The following MN1 variants were observed in gnomAD, a reference collection of about 807,000 sequenced individuals.
The protein encoded by MN1 is MN1 proto-oncogene, transcriptional regulator, also known as transcriptional activator MN1.
Under a neutral mutation model 86.9 loss-of-function variants are expected in MN1, and 19 were observed. The observed-to-expected ratio is 0.22, with a 90% CI of 0.15 to 0.32. The LOEUF (loss-of-function observed/expected upper bound fraction) is 0.32, where lower values mean the gene tolerates loss of function less well. MN1 is among the 10% of genes least tolerant of loss of function. The pLI is 1.00. For missense variants in MN1, 1,841 were observed against 1,862.0 expected, an observed-to-expected ratio of 0.99 and a Z score of 0.21; for synonymous variants, 928 against 849.6, an observed-to-expected ratio of 1.09 and a Z score of -1.60.
rs904390566 is a variant in MN1, at chr22:27,749,098, T to G, written c.*1817A>C. ...CTTTGTCTGCCCTCTGAAGGCGGGG[T>G]TTGCTCCTCGTCAAGACTGCCCAGG... On this transcript the variant is annotated 3_prime_UTR_variant, in exon 2 of 2. Transcript: ENST00000302326. 4.3e-6 allele frequency: 1 copy of G among 231,934 alleles called. No homozygotes were observed. Among genetic ancestry groups the G allele is most frequent in the Non-Finnish European group, 8.5e-6 (1 of 117,332 alleles). 14.4% of individuals were successfully genotyped at this position (231,934 alleles called of 1,614,324 possible).
At position 27,798,258 on chromosome 22, in the gene MN1, G is replaced by C; in HGVS notation, c.2286C>G (p.Gly762=). Residue 762 remains glycine, a synonymous_variant, in exon 1 of 2, where the codon GGC becomes GGG. Transcript: ENST00000302326. ...GRQSTPHSGP[G]VNSPPSAGGG... is the part of the protein sequence containing the mutation. ...CTCCCGCGCTGGGGGGCGAGTTCAC[G>C]CCTGGACCGCTGTGCGGCGTGGACT... 1.3e-6 allele frequency: 2 copies of C among 1,527,316 alleles called. No individual in the cohort carries two copies. Among genetic ancestry groups the C allele is most frequent in the Non-Finnish European group, 1.7e-6 (2 of 1,148,090 alleles). The allele number at this position is 1,527,316 out of a possible 1,614,324, so 94.6% of individuals were successfully genotyped here.
At chr22:27,788,619 C>A (rs970263218) in intron 1 of MN1, among the ~76,000 whole-genome samples, 1 of 143,022 alleles carries the variant, frequency 7.0e-6, no homozygotes, top group African/African-American at 2.6e-5. Flanking sequence ...AGGGTCATAT[C>A]TTTTTTTTTT....
At chr22:27,763,340 C>T (rs1034798071) in intron 1 of MN1, among the ~76,000 whole-genome samples, 2 of 152,172 alleles carry the variant, frequency 1.3e-5, no homozygotes, top group East Asian at 3.9e-4. Context: ...GCACAGCTGG[C>T]AAGGGGCCGG....
At chr22:27,785,610 G>GGCTCTCAC (rs1933120524) in intron 1 of MN1, among the ~76,000 whole-genome samples, 1 of 152,188 alleles carries the variant, frequency 6.6e-6, no homozygotes, top group Non-Finnish European at 1.5e-5. Flanking sequence ...CGAGCGTGGG[G>GGCTCTCAC]GCTCTTGCAA....
intron 1 of MN1, among the ~76,000 whole-genome samples, chr22:27,779,445 C>T (rs1933022687): frequency 6.6e-6 from 1 of 152,216 alleles, no homozygotes. Flanking sequence ...CAGCCAACGG[C>T]ATGACCTGGT....
In MN1 at chr22:27,797,384, C is replaced by A. The variant is rs561366930; in HGVS notation, c.3160G>T (p.Ala1054Ser). The change falls in exon 1 of 2, where the codon GCC becomes TCC. Residue 1054 changes from alanine to serine, a missense_variant. Coordinates refer to ENST00000302326, the MANE Select transcript of MN1 (RefSeq NM_002430.3). Reference sequence around the variant, plus strand: ...CTGGACGACACCTCGTCCTCATTGGCGTAGCTCGTGCTCACCTCGTCCGAG... The same window carrying A: ...CTGGACGACACCTCGTCCTCATTGGAGTAGCTCGTGCTCACCTCGTCCGAG... ...FASDEVSTSYANEDEVSSSSD... is the reference protein window; with the variant it reads ...FASDEVSTSYSNEDEVSSSSD... 1 of 1,611,666 alleles carries A rather than the reference C, an allele frequency of 6.2e-7. No homozygotes were observed. Among genetic ancestry groups the A allele is most frequent in the South Asian group, 1.1e-5 (1 of 91,058 alleles).
intron 1 of MN1, among the ~76,000 whole-genome samples, chr22:27,758,464 C>T (rs1003496972): frequency 1.3e-5 from 2 of 152,190 alleles, no homozygotes; most frequent in African/African-American, 2.4e-5. Flanking sequence ...GTAATGATAC[C>T]GCTAGCTGCA....
intron 1 of MN1, among the ~76,000 whole-genome samples, chr22:27,764,327 G>A (rs1371324284): frequency 6.6e-6 from 1 of 152,160 alleles, no homozygotes; most frequent in Non-Finnish European, 1.5e-5. Context: ...CCATGGGAAC[G>A]GTACCTTGAG....
chr22:27,799,307 G>T lies in MN1; in HGVS notation c.1237C>A (p.Arg413=), dbSNP rs1256775134. 1.3e-6 allele frequency: 2 copies of T among 1,591,276 alleles called. No homozygotes were observed. The change falls in exon 1 of 2, where the codon CGG becomes AGG. Residue 413 remains arginine (R), a synonymous_variant. Coordinates refer to ENST00000302326, the MANE Select transcript of MN1 (RefSeq NM_002430.3). ...GGGTGCATGCTCCGGTTCTCCAGCC[G>T]GTGGATGGGATACTCGAATTGCGCG... ...QHAQFEYPIH[R]LENRSMHPYS... is the part of the protein sequence containing the mutation.
Position 27,800,355 on chromosome 22 carries a change from C to A in MN1, c.189G>T (p.Met63Ile). 4 of 1,606,258 alleles carry A rather than the reference C, an allele frequency of 2.5e-6. No individual in the cohort carries two copies. Among genetic ancestry groups the A allele is most frequent in the Admixed American group, 1.7e-5 (1 of 59,452 alleles). Reference protein sequence around the residue: ...SALGEPPILGMNMEPYGFHAR... With the variant: ...SALGEPPILGINMEPYGFHAR... ...CGTGGAAGCCGTAGGGCTCCATGTT[C>A]ATGCCCAAGATCGGGGGTTCGCCCA... Residue 63 changes from methionine to isoleucine, a missense_variant, in exon 1 of 2, where the codon ATG (methionine) becomes ATT (isoleucine). Physicochemically the swap from Met to Ile is conservative, Grantham distance 10. Transcript: ENST00000302326.
At chr22:27,777,910 T>C (rs427736) in intron 1 of MN1, among the ~76,000 whole-genome samples, 94,656 of 151,454 alleles carry the variant, frequency 0.62, 31,263 homozygotes, top group African/African-American at 0.84. Flanking sequence ...AAAGAAAAAT[T>C]CTACAGGGTA....
intron 1 of MN1, among the ~76,000 whole-genome samples, chr22:27,779,668 G>A (rs1042640632): frequency 2.0e-5 from 3 of 152,186 alleles, no homozygotes; most frequent in Admixed American, 6.5e-5. Context: ...CATGATGGGT[G>A]TTTAATAACT....
At chr22:27,779,262 G>C (rs930657895) in intron 1 of MN1, among the ~76,000 whole-genome samples, 2 of 152,174 alleles carry the variant, frequency 1.3e-5, no homozygotes, top group African/African-American at 4.8e-5. Flanking sequence ...ATACCGGCAG[G>C]CGCTTCCTCC....
In MN1 at chr22:27,800,410, G is replaced by C. The variant is rs748049013; in HGVS notation, c.134C>G (p.Pro45Arg). The C allele has an allele frequency of 3.5e-5, 57 of 1,613,868 alleles. 1 individual carries two copies. In the South Asian group the frequency reaches 6.0e-4, roughly 17 times the overall value. Residue 45 changes from proline (P) to arginine (R), a missense_variant, in exon 1 of 2, where the codon CCT becomes CGT. By Grantham distance (103) the Pro-to-Arg change is moderately radical. Transcript: ENST00000302326. ...KAPAFHTGGP[P>R]GPVDPAMSAL... Reference sequence around the variant, plus strand: ...GCTCATAGCAGGATCCACAGGGCCAGGGGGCCCCCCAGTGTGGAAAGCCGG... The same window carrying C: ...GCTCATAGCAGGATCCACAGGGCCACGGGGCCCCCCAGTGTGGAAAGCCGG...
intron 1 of MN1, among the ~76,000 whole-genome samples, chr22:27,776,581 T>C (rs1442660490): frequency 6.6e-6 from 1 of 152,108 alleles, no homozygotes; most frequent in Non-Finnish European, 1.5e-5. Flanking sequence ...TCACCTCGGC[T>C]TGGCTGTTTT....
At position 27,797,285 on chromosome 22, in the gene MN1, G is replaced by C; in HGVS notation, c.3259C>G (p.Arg1087Gly). 1.9e-6 allele frequency: 3 copies of C among 1,596,122 alleles called. No homozygotes were observed. In the South Asian group the frequency reaches 3.3e-5, roughly 18 times the overall value. Residue 1087 changes from arginine to glycine, a missense_variant, in exon 1 of 2, where the codon CGT becomes GGT. Physicochemically the swap from Arg to Gly is moderately radical, Grantham distance 125. Transcript: ENST00000302326. ...CCGTGTTCCCCGGCGCCTACCCCAC[G>C]GGGAGGGAGTTTGGGCGAGCCGGTC... ...LVTGSPKLPPRGVGAGEHGPK... is the reference protein window; with the variant it reads ...LVTGSPKLPPGGVGAGEHGPK...
At chr22:27,760,005 G>A (rs1932824140) in intron 1 of MN1, among the ~76,000 whole-genome samples, 1 of 152,100 alleles carries the variant, frequency 6.6e-6, no homozygotes. Context: ...ATTGCTTAAG[G>A]CCAGGAGTTC....
rs372574119 is a variant in MN1, at chr22:27,798,009, G to A, written c.2535C>T (p.Asn845=). ...GCGGGTTCTTCTTGTTGAAGGTCAC[G>A]TTGAGGTTGGGGGCCCCGAGGCTGG... ...MIASLGAPNL[N]VTFNKKNPPE... Residue 845 remains asparagine, a synonymous_variant, in exon 1 of 2, where the codon AAC becomes AAT. Transcript: ENST00000302326. 1 of 1,603,800 alleles carries A rather than the reference G, an allele frequency of 6.2e-7. No homozygotes were observed. The highest frequency in any genetic ancestry group is 8.5e-7 in the Non-Finnish European group (1 of 1,176,464).
chr22:27,757,334 G>A (rs117523006), intron 1 of MN1, among the ~76,000 whole-genome samples: 19 of 152,244 alleles, frequency 1.2e-4, no homozygotes, highest in African/African-American at 4.3e-4. Flanking sequence ...CGCACCCGGC[G>A]CACTCTTACT....
Sources: gnomAD v4.1 joint callset for allele counts (sites outside exome capture counted in the v4.1 genomes callset) on GRCh38, gnomAD v4.1.1 for gene constraint, MANE v1.5 for transcripts, NCBI Gene and HGNC (gene_info 2026-07-23, HGNC 2026-07-21) for gene names.